ERF: variants seen among roughly 807,000 people sequenced by gnomAD.
The protein encoded by ERF is ETS domain-containing transcription factor ERF.
A neutral mutation model predicts 41.6 loss-of-function variants in ERF; 10 were observed. The observed-to-expected ratio is 0.24, with a 90% CI of 0.15 to 0.41. ERF has a LOEUF of 0.41. Ranked by LOEUF, ERF falls within the 10% of genes least tolerant of loss-of-function variation. ERF has a pLI of 1.00. For synonymous variants in ERF, 395 were observed against 342.4 expected, an observed-to-expected ratio of 1.15 and a Z score of -1.70; for missense variants, 621 against 763.2, an observed-to-expected ratio of 0.81 and a Z score of 2.19.
At position 42,249,049 on chromosome 19, in the gene ERF, G is replaced by A. The variant is rs372854370; in HGVS notation, c.1063C>T (p.Pro355Ser). 1.0e-4 allele frequency: 166 copies of A among 1,612,450 alleles called. No individual in the cohort carries two copies. Among genetic ancestry groups the A allele is most frequent in the Non-Finnish European group, 1.3e-4 (158 of 1,179,316 alleles). ...PDKCPLPPMA[P>S]ETPPVPSSAS... ...GAGGAGGGGACCGGTGGGGTCTCGG[G>A]TGCCATGGGCGGCAGCGGGCACTTG... The change falls in exon 4 of 4, where the codon CCC (proline) becomes TCC (serine). Residue 355 changes from proline (P) to serine (S), a missense_variant. Physicochemically the swap from Pro to Ser is moderately conservative, Grantham distance 74. This residue lies in a region of ERF where 569 missense variants were observed against 625.5 expected (regional missense o/e 0.91). Transcript: ENST00000222329. The surrounding 1 kb of genome is among the most constrained non-coding windows in gnomAD (Gnocchi z 8.6).
At chr19:42,253,098 C>T (rs2146956380) in intron 1 of ERF, among the ~76,000 whole-genome samples, 1 of 152,280 alleles carries the variant, frequency 6.6e-6, no homozygotes, top group South Asian at 2.1e-4. Flanking sequence ...ACTATGCAAG[C>T]CTGGGGGGAC....
At position 42,250,849 on chromosome 19, in the gene ERF, G is replaced by A. The variant is rs893247992; in HGVS notation, c.23-284C>T. Among the ~76,000 whole-genome samples the A allele has an allele frequency of 2.0e-5, 3 of 152,140 alleles. No homozygotes were observed. The highest frequency in any genetic ancestry group is 4.4e-5 in the Non-Finnish European group (3 of 68,006). On this transcript the variant is annotated intron_variant, in intron 1 of 3. Coordinates refer to ENST00000222329, the MANE Select transcript of ERF (RefSeq NM_006494.4). This position sits in a 1 kb window ranked among gnomAD's most constrained non-coding sequence, Gnocchi z 5.1. ...TCCCGGGGCCAGTGCCAGGGGGCCAGGCACCAAGCCAGGCTGGCGGGCAGG... is the reference window on the plus strand; with the variant it reads ...TCCCGGGGCCAGTGCCAGGGGGCCAAGCACCAAGCCAGGCTGGCGGGCAGG...
rs768716522 is a variant in ERF at position 42,248,778 on chromosome 19, T to C, written c.1334A>G (p.Asp445Gly). Reference sequence around the variant, plus strand: ...CACCTCCCCGTCTTCCTCATCCTCATCACTGATGTCAGTCACCTCTACCTC... The same window carrying C: ...CACCTCCCCGTCTTCCTCATCCTCACCACTGATGTCAGTCACCTCTACCTC... The part of the protein sequence containing the change: ...SEEVEVTDIS[D>G]EDEEDGEVFK... Residue 445 changes from aspartate (D) to glycine (G), a missense_variant, in exon 4 of 4, where the codon GAT (aspartate) becomes GGT (glycine). Coordinates refer to ENST00000222329, the MANE Select transcript of ERF (RefSeq NM_006494.4). The surrounding 1 kb of genome is among the most constrained non-coding windows in gnomAD (Gnocchi z 4.2). The C allele has an allele frequency of 6.2e-7, 1 of 1,613,432 alleles. No homozygotes were observed. The highest frequency in any genetic ancestry group is 8.5e-7 in the Non-Finnish European group (1 of 1,179,930).
In ERF at chr19:42,249,751, A is replaced by T. The variant is rs771237144; in HGVS notation, c.374-13T>A. The T allele has an allele frequency of 2.5e-6, 4 of 1,609,770 alleles. No homozygotes were observed. Among genetic ancestry groups the T allele is most frequent in the Non-Finnish European group, 3.4e-6 (4 of 1,176,848 alleles). ...GGCACTGCACCCCCTGGCAGAAGGG[A>T]GACAGTGTCAAGGCCCCTGGCCTAG... On this transcript the variant is annotated splice_polypyrimidine_tract_variant and intron_variant, in intron 3 of 3. Transcript: ENST00000222329. The surrounding 1 kb of genome is among the most constrained non-coding windows in gnomAD (Gnocchi z 8.6).
intron 1 of ERF, chr19:42,251,502 C>A: frequency 1.6e-5 from 5 of 308,614 alleles, no homozygotes; most frequent in Non-Finnish European, 2.3e-5. Flanking sequence ...CAACAGGGGC[C>A]ATCAATAATT....
rs141603714 is a variant in ERF at position 42,248,827 on chromosome 19, G to A, written c.1285C>T (p.Pro429Ser). ...PPPPPQIKVE[P>S]ISEGESEEVE... ...TCCTCCGACTCGCCTTCCGAGATGG[G>A]CTCCACCTTGATCTGTGGTGGCGGG... is the stretch of plus-strand genomic sequence containing the variant. The change falls in exon 4 of 4, where the codon CCC (proline) becomes TCC (serine). Residue 429 changes from proline to serine, a missense_variant. By Grantham distance (74) the Pro-to-Ser change is moderately conservative (BLOSUM62 -1). Around this residue, in one of 3 missense-constraint regions of ERF, gnomAD observed 569 missense variants for 625.5 expected, o/e 0.91. Coordinates refer to ENST00000222329, the MANE Select transcript of ERF (RefSeq NM_006494.4). The surrounding 1 kb of genome is among the most constrained non-coding windows in gnomAD (Gnocchi z 4.2). The A allele has an allele frequency of 5.6e-6, 9 of 1,613,022 alleles. No individual in the cohort carries two copies. The highest frequency in any genetic ancestry group is 7.6e-6 in the Non-Finnish European group (9 of 1,179,830).
In ERF at chr19:42,250,021, G is replaced by A. The variant is rs2036417923; in HGVS notation, c.258-79C>T. Reference sequence around the variant, plus strand: ...GACTCCACACCTTAACACGCACTTAGGTGTGGTTCCCAAAGGCCAACTGAG... The same window carrying A: ...GACTCCACACCTTAACACGCACTTAAGTGTGGTTCCCAAAGGCCAACTGAG... On this transcript the variant is annotated intron_variant, in intron 2 of 3. Transcript: ENST00000222329. The surrounding 1 kb of genome is among the most constrained non-coding windows in gnomAD (Gnocchi z 5.1). The A allele has an allele frequency of 7.2e-7, 1 of 1,382,698 alleles. No individual in the cohort carries two copies. Among genetic ancestry groups the A allele is most frequent in the Non-Finnish European group, 1.0e-6 (1 of 971,378 alleles). 85.7% of individuals were successfully genotyped at this position (1,382,698 alleles called of 1,614,324 possible). A position where few individuals can be genotyped will look rare whatever the true frequency, so the allele number is the denominator to read the frequency against.
intron 1 of ERF, among the ~76,000 whole-genome samples, chr19:42,253,359 G>C (rs1383679116): frequency 6.6e-6 from 1 of 152,184 alleles, no homozygotes; most frequent in South Asian, 2.1e-4. Flanking sequence ...CGGCAGGCCA[G>C]GAGGCAGACG....
At chr19:42,254,180 G>A (rs1422317031) in intron 1 of ERF, among the ~76,000 whole-genome samples, 1 of 151,734 alleles carries the variant, frequency 6.6e-6, no homozygotes, top group African/African-American at 2.4e-5. Flanking sequence ...GAGGGGCGGA[G>A]GGAAGAGACG....
chr19:42,253,571 C>G (rs2036480774), intron 1 of ERF, among the ~76,000 whole-genome samples: 1 of 152,134 alleles, frequency 6.6e-6, no homozygotes, highest in Non-Finnish European at 1.5e-5. Context: ...AGGGTAGGCT[C>G]CTGCTGCCCC....
At position 42,249,685 on chromosome 19, in the gene ERF, G is replaced by A. The variant is rs368169058; in HGVS notation, c.427C>T (p.Arg143Cys). ...PPVPSGGSHFRFPPSTPSEVL... is the reference protein window; with the variant it reads ...PPVPSGGSHFCFPPSTPSEVL... ...TCGGAGGGCGTTGAGGGAGGGAAGCGGAAGTGGCTACCACCCGACGGCACT... is the reference window on the plus strand; with the variant it reads ...TCGGAGGGCGTTGAGGGAGGGAAGCAGAAGTGGCTACCACCCGACGGCACT... The change falls in exon 4 of 4, where the codon CGC becomes TGC. Residue 143 changes from arginine (R) to cysteine (C), a missense_variant. Transcript: ENST00000222329. The surrounding 1 kb of genome is among the most constrained non-coding windows in gnomAD (Gnocchi z 8.6). 58 of 1,600,192 alleles carry A rather than the reference G, an allele frequency of 3.6e-5. No individual in the cohort carries two copies. The Middle Eastern group carries it at 5.0e-4, about 14-fold the overall frequency.
At chr19:42,253,302 G>A (rs1290402748) in intron 1 of ERF, among the ~76,000 whole-genome samples, 3 of 152,194 alleles carry the variant, frequency 2.0e-5, no homozygotes, top group Non-Finnish European at 4.4e-5. Context: ...AAACAGCCAC[G>A]GCAGAGAGAG....
chr19:42,254,667 G>A, intron 1 of ERF: 2 of 258,036 alleles, frequency 7.8e-6, no homozygotes, highest in Non-Finnish European at 1.5e-5. Context: ...AACGTGACAA[G>A]AGCGGAGGGG....
Position 42,249,094 on chromosome 19 carries a change from G to A in ERF, c.1018C>T (p.Pro340Ser). The change falls in exon 4 of 4, where the codon CCC becomes TCC. Residue 340 changes from proline to serine, a missense_variant. Physicochemically the swap from Pro to Ser is moderately conservative, Grantham distance 74. Coordinates refer to ENST00000222329, the MANE Select transcript of ERF (RefSeq NM_006494.4). The surrounding 1 kb of genome is among the most constrained non-coding windows in gnomAD (Gnocchi z 8.6). ...CACTTGTCAGGGCGCTGGGGCTGGG[G>A]CACCACCAGCCCAGGGTAGTGCAGG... ...AFLHYPGLVV[P>S]QPQRPDKCPL... The A allele has an allele frequency of 6.2e-7, 1 of 1,613,670 alleles. No homozygotes were observed. The highest frequency in any genetic ancestry group is 1.1e-5 in the South Asian group (1 of 91,080).
In ERF at chr19:42,248,948, C is replaced by G; in HGVS notation, c.1164G>C (p.Gln388His). Residue 388 changes from glutamine to histidine, a missense_variant, in exon 4 of 4, where the codon CAG (glutamine) becomes CAC (histidine). By Grantham distance (24) the Gln-to-His change is conservative (BLOSUM62 0). Coordinates refer to ENST00000222329, the MANE Select transcript of ERF (RefSeq NM_006494.4). This position sits in a 1 kb window ranked among gnomAD's most constrained non-coding sequence, Gnocchi z 4.2. ...CTACGGCCTTCTCCCCAGCTGCCCG[C>G]TGCCGGCGTCCGAGTGGGGGCGGCT... ...KLQPPPLGRRQRAAGEKAVAG... is the reference protein window; with the variant it reads ...KLQPPPLGRRHRAAGEKAVAG... The G allele has an allele frequency of 1.2e-6, 2 of 1,606,426 alleles. No homozygotes were observed. Among genetic ancestry groups the G allele is most frequent in the Non-Finnish European group, 1.7e-6 (2 of 1,179,634 alleles).
Position 42,248,589 on chromosome 19 carries a change from CCCTCAT to C in ERF, c.1517_1522del (p.Asp506_Glu507del). ...CTCCCCACGCACCTTCTTGTCCTCA[CCCTCAT>C]CCTCAAAGCCCCCAGCGGGGCCCCC... is the stretch of plus-strand genomic sequence containing the variant. On this transcript the variant is annotated inframe_deletion, in exon 4 of 4. Transcript: ENST00000222329. The surrounding 1 kb of genome is among the most constrained non-coding windows in gnomAD (Gnocchi z 4.2). 2 of 1,585,380 alleles carry C rather than the reference CCCTCAT, an allele frequency of 1.3e-6. No homozygotes were observed. Among genetic ancestry groups the C allele is most frequent in the South Asian group, 1.1e-5 (1 of 87,278 alleles).
At chr19:42,253,284 G>T (rs977669556) in intron 1 of ERF, among the ~76,000 whole-genome samples, 27 of 152,318 alleles carry the variant, frequency 1.8e-4, no homozygotes, top group Middle Eastern at 3.4e-3. Flanking sequence ...AAGAAAACAG[G>T]AAGTGGGAAA....
Position 42,249,400 on chromosome 19 carries a change from G to C in ERF, c.712C>G (p.Pro238Ala). The change falls in exon 4 of 4, where the codon CCT becomes GCT. Residue 238 changes from proline to alanine, a missense_variant. Physicochemically the swap from Pro to Ala is conservative, Grantham distance 27 (BLOSUM62 -1). Coordinates refer to ENST00000222329, the MANE Select transcript of ERF (RefSeq NM_006494.4). This position sits in a 1 kb window ranked among gnomAD's most constrained non-coding sequence, Gnocchi z 8.6. ...DPGVFRVYPR[P>A]RGGPEPLSPF... ...CTGAGGGGTTCAGGGCCACCCCGAGGCCGGGGATAGACTCGGAAGACACCA... is the reference window on the plus strand; with the variant it reads ...CTGAGGGGTTCAGGGCCACCCCGAGCCCGGGGATAGACTCGGAAGACACCA... 6.3e-7 allele frequency: 1 copy of C among 1,577,262 alleles called. No individual in the cohort carries two copies.
rs990311147 is a variant in ERF at position 42,250,718 on chromosome 19, G to GTGTC, written c.23-157_23-154dup. Among the ~76,000 whole-genome samples, 1 of 152,194 alleles carries GTGTC rather than the reference G, an allele frequency of 6.6e-6. No homozygotes were observed. The highest frequency in any genetic ancestry group is 2.4e-5 in the African/African-American group (1 of 41,442). The stretch of plus-strand genomic sequence containing the variant: ...GATCTGATTTAAGAGAAGACAGTGC[G>GTGTC]TGTCTGTCTGTCTGCATGTGAGGGG... On this transcript the variant is annotated intron_variant, in intron 1 of 3. Transcript: ENST00000222329. The surrounding 1 kb of genome is among the most constrained non-coding windows in gnomAD (Gnocchi z 5.1).
Sources: gnomAD v4.1 joint callset for allele counts (sites outside exome capture counted in the v4.1 genomes callset) on GRCh38, gnomAD v4.1.1 for gene constraint, gnomAD v4.1.1 regional missense constraint, Gnocchi (gnomAD v3.1) non-coding constraint, MANE v1.5 for transcripts, NCBI Gene and HGNC (gene_info 2026-07-23, HGNC 2026-07-21) for gene names.